The following KCNH8 variants were observed in gnomAD, a reference collection of about 807,000 sequenced individuals.
KCNH8 encodes the protein voltage-gated delayed rectifier potassium channel KCNH8.
A neutral mutation model predicts 103.6 loss-of-function variants in KCNH8; 70 were observed. The observed-to-expected ratio is 0.68, with a 90% CI of 0.56 to 0.82. The LOEUF is 0.82. KCNH8 is among the 40% of genes least tolerant of loss of function. The pLI is 0.00. For synonymous variants in KCNH8, 498 were observed against 489.4 expected (o/e 1.02, Z -0.23); for missense variants, 1,217 against 1,329.9 (o/e 0.92, Z 1.32).
At position 19,533,833 on chromosome 3, in the gene KCNH8, T is replaced by C. The variant is rs764185238; in HGVS notation, c.3058T>C (p.Leu1020=). Residue 1020 remains leucine, a synonymous_variant, in exon 16 of 16, where the codon TTG becomes CTG. Transcript: ENST00000328405. The part of the protein sequence containing the change: ...RCISPHSDST[L]TPLQSISATL... ...CATCTCTCCACATTCAGATTCTACG[T>C]TGACGCCTCTGCAGTCCATTTCAGC... The C allele has an allele frequency of 1.1e-5, 18 of 1,614,096 alleles. No individual in the cohort carries two copies. The highest frequency in any genetic ancestry group is 5.5e-5 in the South Asian group (5 of 91,090).
chr3:19,492,240 T>C (rs1461924367), intron 11 of KCNH8, among the ~76,000 whole-genome samples: 1 of 152,180 alleles, frequency 6.6e-6, no homozygotes, highest in South Asian at 2.1e-4. Context: ...TGGCAAAAAA[T>C]TCTTTGCCAA....
intron 3 of KCNH8, among the ~76,000 whole-genome samples, chr3:19,300,894 CT>C (rs1195962719): frequency 1.3e-5 from 2 of 151,282 alleles, no homozygotes; most frequent in Non-Finnish European, 2.9e-5. Context: ...TACCTTTTGC[CT>C]AAATCTTTTT....
At chr3:19,375,927 G>A (rs539797647) in intron 5 of KCNH8, among the ~76,000 whole-genome samples, 40 of 152,296 alleles carry the variant, frequency 2.6e-4, no homozygotes, top group African/African-American at 7.9e-4. Flanking sequence ...CGGGGGTCAG[G>A]GACCCACTTG....
chr3:19,522,767 T>C (rs939790374), intron 15 of KCNH8, among the ~76,000 whole-genome samples: 9 of 151,842 alleles, frequency 5.9e-5, no homozygotes, highest in Non-Finnish European at 1.2e-4. Flanking sequence ...GGAATAATTA[T>C]TTTCCCCTTT....
At chr3:19,197,120 G>A (rs1202040854) in intron 1 of KCNH8, among the ~76,000 whole-genome samples, 1 of 151,948 alleles carries the variant, frequency 6.6e-6, no homozygotes, top group Non-Finnish European at 1.5e-5. Flanking sequence ...GCTACTGAAA[G>A]ATTATTATTC....
At chr3:19,271,612 A>G (rs181330208) in intron 2 of KCNH8, among the ~76,000 whole-genome samples, 8 of 152,324 alleles carry the variant, frequency 5.3e-5, no homozygotes, top group Admixed American at 4.6e-4. Context: ...CTTACTTTAT[A>G]TAACTATTTA....
At chr3:19,463,866 T>C (rs1396880178) in intron 11 of KCNH8, among the ~76,000 whole-genome samples, 1 of 152,090 alleles carries the variant, frequency 6.6e-6, no homozygotes, top group East Asian at 1.9e-4. Context: ...CCAGGTTCAA[T>C]AAAATATGGT....
intron 3 of KCNH8, among the ~76,000 whole-genome samples, chr3:19,317,860 A>G (rs2065294446): frequency 6.6e-6 from 1 of 151,800 alleles, no homozygotes; most frequent in Non-Finnish European, 1.5e-5. Context: ...CAAACCCACA[A>G]TCAATGTCAT....
At chr3:19,237,714 A>G (rs2064083819) in intron 1 of KCNH8, among the ~76,000 whole-genome samples, 1 of 152,174 alleles carries the variant, frequency 6.6e-6, no homozygotes, top group African/African-American at 2.4e-5. Context: ...CAGTTAGTAT[A>G]TTAGCTCTGA....
intron 7 of KCNH8, 25 bp from the exon 8 acceptor site, chr3:19,438,139 A>G (rs776736024): frequency 6.9e-6 from 11 of 1,589,410 alleles, no homozygotes; most frequent in Non-Finnish European, 9.5e-6. Context: ...TTCTTCTCTC[A>G]TTTGCTTTAT....
chr3:19,466,115 G>A lies in KCNH8; in HGVS notation c.2040+9133G>A, dbSNP rs2067731251. Among the ~76,000 whole-genome samples, 8 of 151,842 alleles carry A rather than the reference G, an allele frequency of 5.3e-5. No individual in the cohort carries two copies. The South Asian group carries it at 1.7e-3, about 32-fold the overall frequency. On this transcript the variant is annotated intron_variant, in intron 11 of 15. Transcript: ENST00000328405. The stretch of plus-strand genomic sequence containing the variant: ...AATTCTTTTTTATATTTGTAGAGAT[G>A]AGGTCTCGCTATATTGCTTAGGCTG...
chr3:19,443,339 C>A (rs997335517), intron 8 of KCNH8, among the ~76,000 whole-genome samples: 1 of 150,416 alleles, frequency 6.6e-6, no homozygotes, highest in Non-Finnish European at 1.5e-5. Context: ...GGGAACCCAC[C>A]AGAATTTCCA....
intron 1 of KCNH8, among the ~76,000 whole-genome samples, chr3:19,233,228 G>C (rs11927932): frequency 0.041 from 6,261 of 151,990 alleles, 468 homozygotes; most frequent in African/African-American, 0.14. Flanking sequence ...AGTAGGTGAG[G>C]GACTTTTTAA....
At chr3:19,391,400 T>G (rs775047271) in intron 6 of KCNH8, among the ~76,000 whole-genome samples, 3 of 152,078 alleles carry the variant, frequency 2.0e-5, no homozygotes, top group Non-Finnish European at 4.4e-5. Flanking sequence ...TGTGAAGCAG[T>G]AATGCAATTT....
chr3:19,354,965 T>G (rs996717780), intron 5 of KCNH8, among the ~76,000 whole-genome samples: 1 of 151,998 alleles, frequency 6.6e-6, no homozygotes, highest in African/African-American at 2.4e-5. Context: ...TGGGAGAAAG[T>G]TTTTACAATC....
intron 7 of KCNH8, among the ~76,000 whole-genome samples, chr3:19,401,239 G>A (rs2066608594): frequency 1.3e-5 from 2 of 152,060 alleles, no homozygotes; most frequent in South Asian, 4.1e-4. Context: ...CGGACTGTGG[G>A]TGGCAAGGTT....
intron 1 of KCNH8, among the ~76,000 whole-genome samples, chr3:19,203,321 G>A (rs2063682530): frequency 6.6e-6 from 1 of 151,900 alleles, no homozygotes; most frequent in African/African-American, 2.4e-5. Context: ...TCAGAATAGA[G>A]ACAAATTATT....
intron 15 of KCNH8, among the ~76,000 whole-genome samples, chr3:19,529,487 T>G (rs111321611): frequency 2.6e-5 from 4 of 152,290 alleles, no homozygotes; most frequent in African/African-American, 9.6e-5. Flanking sequence ...AATGCATGTC[T>G]TCTTACCATG....
intron 1 of KCNH8, among the ~76,000 whole-genome samples, chr3:19,226,035 T>C (rs2063927141): frequency 6.6e-6 from 1 of 152,256 alleles, no homozygotes. Flanking sequence ...GTAATTCTTT[T>C]GATATGAAAT....
Sources: allele counts gnomAD v4.1 joint callset (sites outside exome capture counted in the v4.1 genomes callset), GRCh38; gene constraint gnomAD v4.1.1; transcripts MANE v1.5; gene names NCBI Gene and HGNC (gene_info 2026-07-23, HGNC 2026-07-21).